LETM1: variants seen among roughly 807,000 people sequenced by gnomAD.
LETM1 encodes the protein leucine zipper and EF-hand containing transmembrane protein 1.
LETM1 carries 50 observed loss-of-function variants against 74.5 expected under a neutral mutation model. The ratio of observed to expected loss-of-function variants is 0.67; its 90% CI spans 0.53 to 0.85. The LOEUF is 0.85. LETM1 is among the 40% of genes least tolerant of loss of function. The probability of loss-of-function intolerance (pLI) is 0.00; values close to 1 mark genes in which losing one functional copy is unlikely to be tolerated. For missense variants in LETM1, 824 were observed against 967.8 expected (o/e 0.85, Z 1.97); for synonymous variants, 446 against 407.1 (o/e 1.10, Z -1.15).
intron 2 of LETM1, among the ~76,000 whole-genome samples, chr4:1,847,277 G>A (rs1222278940): frequency 6.6e-6 from 1 of 151,776 alleles, no homozygotes; most frequent in Non-Finnish European, 1.5e-5. Flanking sequence ...GGAGATCAAA[G>A]CTGCAGTGAG....
At chr4:1,849,303 C>A (rs1347656519) in intron 1 of LETM1, 94 bp from the exon 2 acceptor site, 4 of 878,754 alleles carry the variant, frequency 4.6e-6, no homozygotes, top group Non-Finnish European at 7.5e-6. Context: ...TTCGCTCTTG[C>A]GCCCAGGCTA....
chr4:1,831,360 C>T (rs1413513925), intron 6 of LETM1, among the ~76,000 whole-genome samples: 2 of 152,204 alleles, frequency 1.3e-5, no homozygotes, highest in African/African-American at 2.4e-5. Flanking sequence ...CCGCTGGGAA[C>T]GGGTGGGTGG....
chr4:1,815,408 G>A (rs779134522), intron 13 of LETM1, among the ~76,000 whole-genome samples: 12 of 152,214 alleles, frequency 7.9e-5, no homozygotes, highest in Non-Finnish European at 1.6e-4. Flanking sequence ...AGCTGGGGGC[G>A]GGGTCCAGGG....
chr4:1,853,872 T>A (rs1713150032), intron 1 of LETM1, among the ~76,000 whole-genome samples: 2 of 152,206 alleles, frequency 1.3e-5, no homozygotes, highest in Non-Finnish European at 2.9e-5. Context: ...AAATCCCTAC[T>A]GTTTCTACAG....
At position 1,823,018 on chromosome 4, in the gene LETM1, C is replaced by T. The variant is rs1164449631; in HGVS notation, c.1446G>A (p.Glu482=). ...EEAAIQQEHR[E]KELQKRSEVA... is the part of the protein sequence containing the mutation. ...CCTCCGAGCGCTTCTGCAGCTCCTT[C>T]TCACGGTGCTCCTGCTGGATGGCCG... Residue 482 remains glutamate (E), a synonymous_variant, in exon 9 of 14, where the codon GAG becomes GAA. Transcript: ENST00000302787. 2 of 1,607,238 alleles carry T rather than the reference C, an allele frequency of 1.2e-6. No homozygotes were observed. Among genetic ancestry groups the T allele is most frequent in the African/African-American group, 2.7e-5 (2 of 74,626 alleles).
intron 2 of LETM1, among the ~76,000 whole-genome samples, chr4:1,844,671 C>T (rs1712817338): frequency 6.6e-6 from 1 of 151,638 alleles, no homozygotes; most frequent in African/African-American, 2.4e-5. Context: ...GTGGAGGCTG[C>T]AGGGAGGCAG....
intron 6 of LETM1, among the ~76,000 whole-genome samples, chr4:1,831,549 G>A (rs765281283): frequency 9.2e-5 from 14 of 152,246 alleles, no homozygotes; most frequent in South Asian, 4.1e-4. Context: ...GAAGTGTGGC[G>A]GATACACTGT....
rs552661137 is a variant in LETM1 at position 1,811,679 on chromosome 4, C to T, written c.*2745G>A. ...GACAGAGCCGGCTCCCCAGCACGCT[C>T]CTGCTAGCCCTGGGACCCACTGTGA... On this transcript the variant is annotated 3_prime_UTR_variant, in exon 14 of 14. Coordinates refer to ENST00000302787, the MANE Select transcript of LETM1 (RefSeq NM_012318.3). The T allele has an allele frequency of 2.6e-5, 4 of 152,440 alleles. No homozygotes were observed. The highest frequency in any genetic ancestry group is 2.6e-4 in the Admixed American group (4 of 15,298). The allele number at this position is 152,440 out of a possible 1,614,324, so 9.4% of individuals were successfully genotyped here.
At chr4:1,814,710 G>A in intron 13 of LETM1, 137 bp from the exon 14 acceptor site, 2 of 703,848 alleles carry the variant, frequency 2.8e-6, no homozygotes, top group Non-Finnish European at 4.9e-6. Context: ...GGGCCCCAGG[G>A]TCCTCAGAGC....
Position 1,815,646 on chromosome 4 carries a change from G to A in LETM1, c.2070+18C>T. The A allele has an allele frequency of 6.2e-7, 1 of 1,613,552 alleles. No homozygotes were observed. Among genetic ancestry groups the A allele is most frequent in the Non-Finnish European group, 8.5e-7 (1 of 1,179,744 alleles). ...GAGCAGGTGGCGGATGGCCTGCGTG[G>A]TCCCCAGCGAGGCCCACCTTGACGA... On this transcript the variant is annotated intron_variant, in intron 13 of 13. Transcript: ENST00000302787.
At chr4:1,832,580 T>C (rs1712314416) in intron 6 of LETM1, among the ~76,000 whole-genome samples, 164 bp downstream of exon 6, 1 of 152,128 alleles carries the variant, frequency 6.6e-6, no homozygotes, top group Non-Finnish European at 1.5e-5. Context: ...AAGACATCCA[T>C]CTTCAAAGGA....
At chr4:1,832,286 G>A (rs960423589) in intron 6 of LETM1, among the ~76,000 whole-genome samples, 7 of 151,760 alleles carry the variant, frequency 4.6e-5, no homozygotes, top group African/African-American at 1.7e-4. Flanking sequence ...TGGGCAACAA[G>A]ATCGAAACAC....
At chr4:1,850,225 G>C (rs2001193) in intron 1 of LETM1, among the ~76,000 whole-genome samples, 21 of 152,186 alleles carry the variant, frequency 1.4e-4, no homozygotes, top group Admixed American at 5.2e-4. Flanking sequence ...CTGGAAGCCA[G>C]TTCTGAGTGT....
intron 11 of LETM1, 83 bp downstream of exon 11, chr4:1,819,255 A>C: frequency 7.4e-7 from 1 of 1,354,212 alleles, no homozygotes; most frequent in Non-Finnish European, 1.0e-6. Context: ...TATCTGACGG[A>C]AGTATTATGT....
At chr4:1,829,637 G>GTA in intron 6 of LETM1, among the ~76,000 whole-genome samples, 1 of 152,308 alleles carries the variant, frequency 6.6e-6, no homozygotes, top group African/African-American at 2.4e-5. Context: ...CAGCCTAATA[G>GTA]TAAGACCTCA....
Position 1,823,013 on chromosome 4 carries a change from T to C in LETM1, c.1451A>G (p.Glu484Gly). The C allele has an allele frequency of 6.2e-7, 1 of 1,604,292 alleles. No homozygotes were observed. Among genetic ancestry groups the C allele is most frequent in the Non-Finnish European group, 8.5e-7 (1 of 1,174,402 alleles). Reference protein sequence around the residue: ...AAIQQEHREKELQKRSEVAKD... With the variant: ...AAIQQEHREKGLQKRSEVAKD... The stretch of plus-strand genomic sequence containing the variant: ...CGCCACCTCCGAGCGCTTCTGCAGC[T>C]CCTTCTCACGGTGCTCCTGCTGGAT... Residue 484 changes from glutamate (E) to glycine (G), a missense_variant, in exon 9 of 14, where the codon GAG becomes GGG. Coordinates refer to ENST00000302787, the MANE Select transcript of LETM1 (RefSeq NM_012318.3).
At chr4:1,837,984 C>T (rs753383387) in intron 3 of LETM1, among the ~76,000 whole-genome samples, 3 of 151,974 alleles carry the variant, frequency 2.0e-5, no homozygotes, top group Admixed American at 6.6e-5. Context: ...GGATTACAGG[C>T]GTGAGCCACC....
chr4:1,815,912 G>C, intron 12 of LETM1, 110 bp from the exon 13 acceptor site: 1 of 1,351,936 alleles, frequency 7.4e-7, no homozygotes, highest in Non-Finnish European at 1.0e-6. Flanking sequence ...GCGGCTCCGC[G>C]TGAGCCAGGC....
intron 12 of LETM1, 114 bp from the exon 13 acceptor site, chr4:1,815,916 G>A: frequency 1.5e-6 from 2 of 1,311,798 alleles, no homozygotes; most frequent in African/African-American, 1.4e-5. Flanking sequence ...CTCCGCGTGA[G>A]CCAGGCAACC....
Sources: allele counts gnomAD v4.1 joint callset (sites outside exome capture counted in the v4.1 genomes callset), GRCh38; gene constraint gnomAD v4.1.1; transcripts MANE v1.5; gene names NCBI Gene and HGNC (gene_info 2026-07-23, HGNC 2026-07-21).